Variants in GRIK5 observed in about 807,000 individuals in gnomAD.
GRIK5 encodes the protein glutamate ionotropic receptor kainate type subunit 5.
Under a neutral mutation model 97.4 loss-of-function variants are expected in GRIK5, and 43 were observed. The observed-to-expected ratio is 0.44, with a 90% confidence interval of 0.35 to 0.57. The LOEUF (loss-of-function observed/expected upper bound fraction) is 0.57. Ranked by LOEUF, GRIK5 falls within the 20% of genes least tolerant of loss-of-function variation. The pLI is 0.01. For synonymous variants in GRIK5, 580 were observed against 583.5 expected (o/e 0.99, Z 0.09); for missense variants, 1,015 against 1,382.0 (o/e 0.73, Z 4.21).
chr19:42,024,801 G>C (rs1442160453), intron 12 of GRIK5, among the ~76,000 whole-genome samples: 3 of 152,144 alleles, frequency 2.0e-5, no homozygotes, highest in African/African-American at 7.2e-5. Flanking sequence ...CCACTCTGTA[G>C]AGCTGGATCC....
chr19:42,047,968 G>A (rs1378814947), intron 11 of GRIK5, among the ~76,000 whole-genome samples: 3 of 116,220 alleles, frequency 2.6e-5, no homozygotes, highest in Non-Finnish European at 5.1e-5. Flanking sequence ...GTGAGACTCT[G>A]TCTCAAAAAA....
chr19:42,060,507 G>C (rs2076244636), intron 5 of GRIK5, among the ~76,000 whole-genome samples: 2 of 151,888 alleles, frequency 1.3e-5, no homozygotes, highest in African/African-American at 4.8e-5. Flanking sequence ...TGAGACACTA[G>C]AGTAGAGACT....
Position 42,062,546 on chromosome 19 carries a change from G to A in GRIK5, c.450C>T (p.Ser150=). The change falls in exon 5 of 20, where the codon TCC becomes TCT. Residue 150 remains serine (S), a synonymous_variant. Coordinates refer to ENST00000593562, the MANE Select transcript of GRIK5 (RefSeq NM_002088.5). This position sits in a 1 kb window ranked among gnomAD's most constrained non-coding sequence, Gnocchi z 5.3. ...PSNEDVSLAV[S]RILKSFNYPS... is the part of the protein sequence containing the mutation. ...GGTAGTTGAAGGACTTGAGGATTCGGGAGACCGCCAAGCTGACGTCCTCGT... is the reference window on the plus strand; with the variant it reads ...GGTAGTTGAAGGACTTGAGGATTCGAGAGACCGCCAAGCTGACGTCCTCGT... 1 of 1,614,168 alleles carries A rather than the reference G, an allele frequency of 6.2e-7. No individual in the cohort carries two copies. Among genetic ancestry groups the A allele is most frequent in the Non-Finnish European group, 8.5e-7 (1 of 1,180,020 alleles).
At chr19:42,035,313 C>T (rs940836612) in intron 12 of GRIK5, among the ~76,000 whole-genome samples, 1 of 152,028 alleles carries the variant, frequency 6.6e-6, no homozygotes, top group Non-Finnish European at 1.5e-5. Context: ...TGAGGCAGAT[C>T]TATGTGTACT....
chr19:42,054,591 G>T (rs1794870010), intron 8 of GRIK5, 119 bp from the exon 9 acceptor site: 3 of 1,173,144 alleles, frequency 2.6e-6, no homozygotes. Context: ...CCCAGGAATG[G>T]GAAACTGGGT....
intron 19 of GRIK5, among the ~76,000 whole-genome samples, chr19:42,000,193 C>T (rs782579563): frequency 3.3e-5 from 5 of 152,152 alleles, no homozygotes; most frequent in South Asian, 2.1e-4. Flanking sequence ...GAGAGTCAGA[C>T]GGGAATCACT....
chr19:42,062,846 A>G lies in GRIK5; in HGVS notation c.254T>C (p.Ile85Thr). 1.2e-6 allele frequency: 2 copies of G among 1,612,786 alleles called. No homozygotes were observed. Among genetic ancestry groups the G allele is most frequent in the Non-Finnish European group, 1.7e-6 (2 of 1,178,842 alleles). Residue 85 changes from isoleucine to threonine, a missense_variant, in exon 4 of 20, where the codon ATC (isoleucine) becomes ACC (threonine). Coordinates refer to ENST00000593562, the MANE Select transcript of GRIK5 (RefSeq NM_002088.5). The surrounding 1 kb of genome is among the most constrained non-coding windows in gnomAD (Gnocchi z 5.3). The stretch of plus-strand genomic sequence containing the variant: ...GACAGACACAACCCCTTTGGGTAAG[A>G]TCTGACACACTGCGTGGGAAGGGGA... ...QYETTDTMCQ[I>T]LPKGVVSVLG...
intron 1 of GRIK5, among the ~76,000 whole-genome samples, chr19:42,066,082 G>A (rs2076327340): frequency 1.3e-5 from 2 of 152,110 alleles, no homozygotes; most frequent in South Asian, 4.1e-4. Flanking sequence ...AGAGAGGATG[G>A]GCACAGCTAC....
intron 5 of GRIK5, 96 bp from the exon 6 acceptor site, chr19:42,059,623 G>A: frequency 9.4e-7 from 1 of 1,066,648 alleles, no homozygotes; most frequent in Non-Finnish European, 1.4e-6. Context: ...GCTGGGCAGA[G>A]GACTGGAGGG....
At chr19:42,066,726 G>A (rs1484268859) in intron 1 of GRIK5, among the ~76,000 whole-genome samples, 1 of 152,018 alleles carries the variant, frequency 6.6e-6, no homozygotes, top group Non-Finnish European at 1.5e-5. Flanking sequence ...GCAAGATAAA[G>A]AAAGGACAGA....
Position 42,043,469 on chromosome 19 carries a change from G to A in GRIK5, c.1270-714C>T, listed in dbSNP as rs985923029. ...CACCCAGGCTGGAGTGCAGTGGCGCGATCTCAACTCACTGCAACCTCCACC... is the reference window on the plus strand; with the variant it reads ...CACCCAGGCTGGAGTGCAGTGGCGCAATCTCAACTCACTGCAACCTCCACC... On this transcript the variant is annotated intron_variant, in intron 11 of 19. Transcript: ENST00000593562. Among the ~76,000 whole-genome samples the A allele has an allele frequency of 4.8e-5, 7 of 146,264 alleles. No individual in the cohort carries two copies. The East Asian group carries it at 6.1e-4, about 13-fold the overall frequency.
intron 8 of GRIK5, among the ~76,000 whole-genome samples, chr19:42,054,790 G>T (rs971029928): frequency 6.6e-6 from 1 of 152,224 alleles, no homozygotes; most frequent in African/African-American, 2.4e-5. Context: ...TGTGAATCTG[G>T]GTGATGCAGG....
chr19:42,021,678 CAG>C lies in GRIK5; in HGVS notation c.1698-206_1698-205del, dbSNP rs755237346. On this transcript the variant is annotated intron_variant, in intron 14 of 19. Coordinates refer to ENST00000593562, the MANE Select transcript of GRIK5 (RefSeq NM_002088.5). This position sits in a 1 kb window ranked among gnomAD's most constrained non-coding sequence, Gnocchi z 4.2. ...AGGCAGAGAGAGACACAGAGATACTCAGAGAGAAATAGAGAAGGGAGGAGGCA... is the reference window on the plus strand; with the variant it reads ...AGGCAGAGAGAGACACAGAGATACTCAGAGAAATAGAGAAGGGAGGAGGCA... Among the ~76,000 whole-genome samples the C allele has an allele frequency of 1.1e-4, 16 of 151,980 alleles. 1 individual carries two copies. The East Asian group carries it at 1.5e-3, about 15-fold the overall frequency.
Position 42,020,888 on chromosome 19 carries a change from T to G in GRIK5, c.1871+413A>C, listed in dbSNP as rs115638418. Among the ~76,000 whole-genome samples the G allele has an allele frequency of 5.3e-3, 805 of 152,272 alleles. 9 individuals are homozygous for G. The highest frequency in any genetic ancestry group is 0.019 in the African/African-American group (774 of 41,536). On this transcript the variant is annotated intron_variant, in intron 15 of 19. Transcript: ENST00000593562. Reference sequence around the variant, plus strand: ...TCTGTCTTTGGAGTAGTCATTCTTTTATTTATTTATTTATTGAGACAGAGT... The same window carrying G: ...TCTGTCTTTGGAGTAGTCATTCTTTGATTTATTTATTTATTGAGACAGAGT...
At position 42,003,136 on chromosome 19, in the gene GRIK5, C is replaced by T. The variant is rs2075443321; in HGVS notation, c.2514+196G>A. Among the ~76,000 whole-genome samples the T allele has an allele frequency of 6.6e-6, 1 of 152,082 alleles. No individual in the cohort carries two copies. Among genetic ancestry groups the T allele is most frequent in the South Asian group, 2.1e-4 (1 of 4,824 alleles). ...GCATCCTCATTGCTCCCTGTGCCTACTTTCCCTCCTGTTCTTCCTCACGCG... is the reference window on the plus strand; with the variant it reads ...GCATCCTCATTGCTCCCTGTGCCTATTTTCCCTCCTGTTCTTCCTCACGCG... On this transcript the variant is annotated intron_variant, in intron 19 of 19. Coordinates refer to ENST00000593562, the MANE Select transcript of GRIK5 (RefSeq NM_002088.5). This position sits in a 1 kb window ranked among gnomAD's most constrained non-coding sequence, Gnocchi z 4.2.
chr19:42,009,791 G>A (rs1220472735), intron 15 of GRIK5, among the ~76,000 whole-genome samples: 1 of 147,520 alleles, frequency 6.8e-6, no homozygotes, highest in Non-Finnish European at 1.5e-5. Context: ...AAAAAGCCAG[G>A]CACAGTGGCT....
Position 42,021,656 on chromosome 19 carries a change from CAG to C in GRIK5, c.1698-184_1698-183del, listed in dbSNP as rs1244288289. 2.0e-5 allele frequency among the ~76,000 whole-genome samples: 3 copies of C among 151,850 alleles called. No individual in the cohort carries two copies. Among genetic ancestry groups the C allele is most frequent in the Non-Finnish European group, 4.4e-5 (3 of 67,974 alleles). On this transcript the variant is annotated intron_variant, in intron 14 of 19. Coordinates refer to ENST00000593562, the MANE Select transcript of GRIK5 (RefSeq NM_002088.5). This position sits in a 1 kb window ranked among gnomAD's most constrained non-coding sequence, Gnocchi z 4.2. The stretch of plus-strand genomic sequence containing the variant: ...TGCACAGAGATGGAGACAGAAGAGG[CAG>C]AGAGAGACACAGAGATACTCAGAGA...
At chr19:42,024,474 A>G (rs2075744518) in intron 12 of GRIK5, among the ~76,000 whole-genome samples, 1 of 151,924 alleles carries the variant, frequency 6.6e-6, no homozygotes, top group Non-Finnish European at 1.5e-5. Context: ...CAGCCTCCCA[A>G]AGTGTTGGGA....
chr19:42,037,116 G>A (rs1263736060), intron 12 of GRIK5, among the ~76,000 whole-genome samples: 1 of 152,198 alleles, frequency 6.6e-6, no homozygotes, highest in African/African-American at 2.4e-5. Flanking sequence ...GACCACATGT[G>A]AGCCAGGCAT....
Sources: allele counts gnomAD v4.1 joint callset (sites outside exome capture counted in the v4.1 genomes callset), GRCh38; gene constraint gnomAD v4.1.1; non-coding constraint Gnocchi (gnomAD v3.1); transcripts MANE v1.5; gene names NCBI Gene and HGNC (gene_info 2026-07-23, HGNC 2026-07-21).